The following AP3B1 variants were observed in gnomAD, a reference collection of about 807,000 sequenced individuals.
The protein encoded by AP3B1 is AP-3 complex subunit beta-1.
In AP3B1, 61 loss-of-function variants were observed where a neutral mutation model predicts 132.5. That is an observed-to-expected ratio of 0.46 (90% confidence interval 0.37 to 0.57). The LOEUF (loss-of-function observed/expected upper bound fraction) is 0.57, where lower values mean the gene tolerates loss of function less well. Among genes scored for constraint, AP3B1 ranks in the 20% least tolerant of loss-of-function variants. AP3B1 has a pLI of 0.00. For missense variants in AP3B1, 1,120 were observed against 1,289.4 expected (o/e 0.87, Z 2.01); for synonymous variants, 388 against 438.3 (o/e 0.89, Z 1.43).
intron 21 of AP3B1, among the ~76,000 whole-genome samples, chr5:78,092,041 G>T (rs1264686465): frequency 6.6e-6 from 1 of 152,178 alleles, no homozygotes. Context: ...TTCTAACTTG[G>T]ATCATAATAT....
At chr5:78,276,536 A>G (rs949270989) in intron 1 of AP3B1, among the ~76,000 whole-genome samples, 4 of 152,120 alleles carry the variant, frequency 2.6e-5, no homozygotes, top group Non-Finnish European at 4.4e-5. Flanking sequence ...GTTCAAGACC[A>G]GCCTAGACAA....
rs114232549 is a variant in AP3B1 at position 78,204,216 on chromosome 5, C to T, written c.786+11839G>A. 8.9e-3 allele frequency among the ~76,000 whole-genome samples: 1,357 copies of T among 152,228 alleles called. 18 individuals are homozygous for T. The highest frequency in any genetic ancestry group is 0.024 in the African/African-American group (986 of 41,528). On this transcript the variant is annotated intron_variant, in intron 7 of 26. Coordinates refer to ENST00000255194, the MANE Select transcript of AP3B1 (RefSeq NM_003664.5). ...GTAACTAACTCAGATTCTAACTCCT[C>T]CCCAGGGATTATTGTTGCTGCCTAT...
chr5:78,110,905 T>C (rs1451995535), intron 19 of AP3B1, among the ~76,000 whole-genome samples: 3 of 151,966 alleles, frequency 2.0e-5, no homozygotes, highest in Non-Finnish European at 4.4e-5. Flanking sequence ...ACTACAGGCA[T>C]GCACCACCAC....
chr5:78,074,972 T>G (rs192591053), intron 22 of AP3B1, among the ~76,000 whole-genome samples: 67 of 152,276 alleles, frequency 4.4e-4, no homozygotes, highest in Admixed American at 5.9e-4. Context: ...TTAGAAAAAC[T>G]TTATCATATA....
Position 78,175,689 on chromosome 5 carries a change from A to C in AP3B1, c.1104T>G (p.Phe368Leu). 6.2e-7 allele frequency: 1 copy of C among 1,613,382 alleles called. No homozygotes were observed. ...ATMSIQRKGM[F>L]EPYLKSFYVR... Reference sequence around the variant, plus strand: ...CATAGAAACTCTTCAGATAAGGTTCAAACATCCCCTGGATTACAAAAATAA... The same window carrying C: ...CATAGAAACTCTTCAGATAAGGTTCCAACATCCCCTGGATTACAAAAATAA... The change falls in exon 11 of 27, where the codon TTT becomes TTG. Residue 368 changes from phenylalanine (F) to leucine (L), a missense_variant. By Grantham distance (22) the Phe-to-Leu change is conservative. Around this residue, in one of 3 missense-constraint regions of AP3B1, gnomAD observed 906 missense variants for 997.1 expected, o/e 0.91. Coordinates refer to ENST00000255194, the MANE Select transcript of AP3B1 (RefSeq NM_003664.5).
intron 3 of AP3B1, among the ~76,000 whole-genome samples, chr5:78,233,722 A>G (rs78758264): frequency 0.017 from 2,615 of 152,304 alleles, 66 homozygotes; most frequent in African/African-American, 0.06. Flanking sequence ...TTTAATTCTC[A>G]TATCTATCCT....
chr5:78,030,282 C>A (rs1444801324), intron 24 of AP3B1, among the ~76,000 whole-genome samples: 1 of 152,146 alleles, frequency 6.6e-6, no homozygotes, highest in Non-Finnish European at 1.5e-5. Context: ...GGACTACAGG[C>A]ATGCATCACC....
intron 1 of AP3B1, 125 bp downstream of exon 1, chr5:78,294,327 A>T: frequency 7.1e-7 from 1 of 1,412,582 alleles, no homozygotes; most frequent in Non-Finnish European, 9.7e-7. Context: ...GGGACACGTT[A>T]CCGCCCTGCC....
rs568582713 is a variant in AP3B1, at chr5:78,122,077, C to G, written c.1969-5843G>C. On this transcript the variant is annotated intron_variant, in intron 17 of 26. Coordinates refer to ENST00000255194, the MANE Select transcript of AP3B1 (RefSeq NM_003664.5). ...CAATAAATGTAATCCAGCATATAAA[C>G]AGAACCAAAGACAAAAACCACATGA... Among the ~76,000 whole-genome samples the G allele has an allele frequency of 8.5e-5, 13 of 152,282 alleles. No individual in the cohort carries two copies. In the East Asian group the frequency reaches 2.5e-3, roughly 29 times the overall value.
At chr5:78,024,230 A>AAT (rs1004205188) in intron 24 of AP3B1, among the ~76,000 whole-genome samples, 2 of 152,152 alleles carry the variant, frequency 1.3e-5, no homozygotes, top group African/African-American at 2.4e-5. Flanking sequence ...ACATACATGG[A>AAT]ATACATATAT....
chr5:78,121,176 T>C (rs1340468547), intron 17 of AP3B1, among the ~76,000 whole-genome samples: 1 of 151,976 alleles, frequency 6.6e-6, no homozygotes, highest in Non-Finnish European at 1.5e-5. Context: ...CCAGAATCTC[T>C]GGGACACATT....
At chr5:78,126,199 A>G (rs1269187879) in intron 17 of AP3B1, among the ~76,000 whole-genome samples, 2 of 152,052 alleles carry the variant, frequency 1.3e-5, no homozygotes, top group African/African-American at 2.4e-5. Context: ...ATATTCTAGT[A>G]TCTGATCAAA....
At chr5:78,267,189 T>C (rs1748357233) in intron 2 of AP3B1, among the ~76,000 whole-genome samples, 1 of 152,066 alleles carries the variant, frequency 6.6e-6, no homozygotes, top group East Asian at 1.9e-4. Context: ...TTAGTATCCC[T>C]CTGTGTAGGA....
At chr5:78,222,306 A>C (rs1423810681) in intron 6 of AP3B1, 1 of 153,734 alleles carries the variant, frequency 6.5e-6, no homozygotes, top group Admixed American at 6.5e-5. Context: ...GGTGAAATTG[A>C]ACAATATTGC....
At chr5:78,279,902 AC>A in intron 1 of AP3B1, among the ~76,000 whole-genome samples, 1 of 123,272 alleles carries the variant, frequency 8.1e-6, no homozygotes, top group African/African-American at 3.1e-5. Flanking sequence ...TATATATATG[AC>A]TTAAATATAT....
intron 25 of AP3B1, 172 bp from the exon 26 acceptor site, chr5:78,015,720 GT>G (rs1335151356): frequency 7.9e-6 from 5 of 633,874 alleles, no homozygotes; most frequent in African/African-American, 1.9e-5. Flanking sequence ...TTGTTTCGAA[GT>G]TTTTTAAAAT....
chr5:78,097,136 C>T (rs1416344728), intron 21 of AP3B1, among the ~76,000 whole-genome samples: 2 of 129,792 alleles, frequency 1.5e-5, no homozygotes, highest in African/African-American at 6.5e-5. Context: ...ACCCGGCCAG[C>T]CGCCCCGTCC....
chr5:78,036,773 G>T (rs1048902922), intron 23 of AP3B1, among the ~76,000 whole-genome samples: 1 of 152,078 alleles, frequency 6.6e-6, no homozygotes, highest in Non-Finnish European at 1.5e-5. Flanking sequence ...ATGTGTATAC[G>T]TTCTTAAAAA....
chr5:78,219,942 A>G (rs1018385011), intron 6 of AP3B1, among the ~76,000 whole-genome samples: 1 of 152,178 alleles, frequency 6.6e-6, no homozygotes, highest in Non-Finnish European at 1.5e-5. Flanking sequence ...GCTGGCAACA[A>G]ATAAATTCCT....
Sources: gnomAD v4.1 joint callset for allele counts (sites outside exome capture counted in the v4.1 genomes callset) on GRCh38, gnomAD v4.1.1 for gene constraint, gnomAD v4.1.1 regional missense constraint, MANE v1.5 for transcripts, NCBI Gene and HGNC (gene_info 2026-07-23, HGNC 2026-07-21) for gene names.